ATE1: variants seen among roughly 807,000 people sequenced by gnomAD.
The protein encoded by ATE1 is arginyltransferase 1.
ATE1 carries 36 observed loss-of-function variants against 70.5 expected under a neutral mutation model. The ratio of observed to expected loss-of-function variants is 0.51; its 90% confidence interval spans 0.39 to 0.67. ATE1 has a LOEUF of 0.67. ATE1 is among the 30% of genes least tolerant of loss of function. The pLI is 0.00. For synonymous variants in ATE1, 232 were observed against 219.3 expected (o/e 1.06, Z -0.51); for missense variants, 593 against 629.5 (o/e 0.94, Z 0.62).
At chr10:121,839,409 C>T (rs988630625) in intron 9 of ATE1, among the ~76,000 whole-genome samples, 3 of 152,116 alleles carry the variant, frequency 2.0e-5, no homozygotes, top group African/African-American at 7.2e-5. Context: ...AAATCTATAA[C>T]ACATTGTGAA....
chr10:121,909,279 A>C (rs1951325229), intron 5 of ATE1, among the ~76,000 whole-genome samples: 9 of 151,992 alleles, frequency 5.9e-5, no homozygotes, highest in Admixed American at 5.9e-4. Context: ...GTAAGCCACC[A>C]CTCCTGGCCG....
At chr10:121,918,959 T>C (rs949546319) in intron 3 of ATE1, among the ~76,000 whole-genome samples, 1 of 152,108 alleles carries the variant, frequency 6.6e-6, no homozygotes, top group African/African-American at 2.4e-5. Context: ...GCTCTGTGGC[T>C]AGAGGTTTGT....
intron 10 of ATE1, among the ~76,000 whole-genome samples, chr10:121,806,436 G>C (rs11200170): frequency 6.6e-6 from 1 of 152,086 alleles, no homozygotes; most frequent in African/African-American, 2.4e-5. Context: ...CTGGGTGACC[G>C]AGTGAGACCC....
intron 10 of ATE1, among the ~76,000 whole-genome samples, chr10:121,828,597 C>T (rs1438821256): frequency 6.6e-6 from 1 of 152,160 alleles, no homozygotes; most frequent in Admixed American, 6.5e-5. Flanking sequence ...GCAGTTCCTT[C>T]CAGGCTACCC....
At chr10:121,861,423 T>C (rs1414892766) in intron 8 of ATE1, among the ~76,000 whole-genome samples, 1 of 151,768 alleles carries the variant, frequency 6.6e-6, no homozygotes, top group Non-Finnish European at 1.5e-5. Context: ...TAAAAAATGA[T>C]GAGTTCATGT....
At chr10:121,922,867 GTTCATTCT>G (rs1313121598) in intron 2 of ATE1, among the ~76,000 whole-genome samples, 1 of 152,128 alleles carries the variant, frequency 6.6e-6, no homozygotes, top group African/African-American at 2.4e-5. Context: ...TAACAGAACT[GTTCATTCT>G]GTTCTCAAGT....
At chr10:121,755,422 A>G (rs1485705976) in intron 11 of ATE1, among the ~76,000 whole-genome samples, 1 of 152,256 alleles carries the variant, frequency 6.6e-6, no homozygotes, top group East Asian at 1.9e-4. Flanking sequence ...CAAATGTGGT[A>G]ACACGTTAAT....
chr10:121,786,214 T>G (rs1946202204), intron 11 of ATE1, among the ~76,000 whole-genome samples: 2 of 143,170 alleles, frequency 1.4e-5, no homozygotes, highest in Middle Eastern at 3.3e-3. Context: ...TTTTTTTTTT[T>G]TTTTTTTTTT....
chr10:121,775,144 G>T (rs1945682525), intron 11 of ATE1, among the ~76,000 whole-genome samples: 1 of 152,124 alleles, frequency 6.6e-6, no homozygotes, highest in African/African-American at 2.4e-5. Context: ...CTACAGAATA[G>T]AATTTTGTTT....
At chr10:121,760,741 A>G (rs1945005345) in intron 11 of ATE1, among the ~76,000 whole-genome samples, 2 of 152,354 alleles carry the variant, frequency 1.3e-5, no homozygotes, top group South Asian at 4.1e-4. Flanking sequence ...ATGATCTGAG[A>G]AGACTGACTC....
At chr10:121,776,024 T>C (rs1390174485) in intron 11 of ATE1, among the ~76,000 whole-genome samples, 1 of 152,196 alleles carries the variant, frequency 6.6e-6, no homozygotes, top group Non-Finnish European at 1.5e-5. Flanking sequence ...GTAATGTGCA[T>C]ATATTAGTTG....
intron 11 of ATE1, among the ~76,000 whole-genome samples, chr10:121,748,653 T>G (rs960600710): frequency 1.4e-5 from 2 of 138,868 alleles, no homozygotes; most frequent in Non-Finnish European, 3.1e-5. Flanking sequence ...AGTTTTTTTG[T>G]TTTTTTTTTT....
At chr10:121,767,634 GA>G (rs1362025466) in intron 11 of ATE1, among the ~76,000 whole-genome samples, 1 of 152,078 alleles carries the variant, frequency 6.6e-6, no homozygotes, top group African/African-American at 2.4e-5. Context: ...CGCCAAAGAA[GA>G]CATACAAATG....
Position 121,894,779 on chromosome 10 carries a change from T to C in ATE1, c.942+5087A>G, listed in dbSNP as rs534782475. ...AGCCGGGCGTGGTGGCGGGCACCTG[T>C]AGTCCCAGCTACTTGGGAGGCTGAG... On this transcript the variant is annotated intron_variant, in intron 7 of 11. Transcript: ENST00000224652. 1.8e-4 allele frequency among the ~76,000 whole-genome samples: 28 copies of C among 152,160 alleles called. 1 individual carries two copies. In the East Asian group the frequency reaches 3.7e-3, roughly 20 times the overall value.
intron 8 of ATE1, among the ~76,000 whole-genome samples, chr10:121,864,150 A>C (rs185023887): frequency 1.2e-4 from 18 of 152,206 alleles, no homozygotes; most frequent in Non-Finnish European, 1.2e-4. Context: ...CTCATTAGCT[A>C]ATGTATGACA....
Position 121,902,615 on chromosome 10 carries a change from C to T in ATE1, c.589G>A (p.Gly197Arg). ...CATGGAGGCTTACTCAAATCAGCCC[C>T]TTTGCCTAAAAAGAATTTTAAAATA... The part of the protein sequence containing the change: ...KVHTVPKPGK[G>R]ADLSKPPCRK... The change falls in exon 6 of 12, where the codon GGG (glycine) becomes AGG (arginine). Residue 197 changes from glycine to arginine, a missense_variant. Transcript: ENST00000224652. 6.2e-7 allele frequency: 1 copy of T among 1,600,742 alleles called. No individual in the cohort carries two copies. Among genetic ancestry groups the T allele is most frequent in the Non-Finnish European group, 8.5e-7 (1 of 1,173,446 alleles).
chr10:121,850,624 T>A (rs1195228254), intron 8 of ATE1, among the ~76,000 whole-genome samples: 1 of 152,184 alleles, frequency 6.6e-6, no homozygotes, highest in Non-Finnish European at 1.5e-5. Context: ...TGAGAATCAC[T>A]GATATCCATT....
intron 7 of ATE1, among the ~76,000 whole-genome samples, chr10:121,888,799 A>G (rs1351483224): frequency 6.6e-6 from 1 of 152,212 alleles, no homozygotes; most frequent in Non-Finnish European, 1.5e-5. Flanking sequence ...TACAGCGATG[A>G]GAGTTAACAG....
chr10:121,789,295 G>GTTTTTT (rs1946336151), intron 11 of ATE1, among the ~76,000 whole-genome samples: 1 of 18,818 alleles, frequency 5.3e-5, no homozygotes, highest in African/African-American at 1.4e-4. Context: ...CCAGGGCTAT[G>GTTTTTT]CTTTTTTTTT....
Sources: allele counts gnomAD v4.1 joint callset (sites outside exome capture counted in the v4.1 genomes callset), GRCh38; gene constraint gnomAD v4.1.1; transcripts MANE v1.5; gene names NCBI Gene and HGNC (gene_info 2026-07-23, HGNC 2026-07-21).